The following SPIDR variants were observed in gnomAD, a reference collection of about 807,000 sequenced individuals.
The protein encoded by SPIDR is DNA repair-scaffolding protein.
A neutral mutation model predicts 104.6 loss-of-function variants in SPIDR; 93 were observed. The ratio of observed to expected loss-of-function variants is 0.89; its 90% CI spans 0.75 to 1.06. The LOEUF (loss-of-function observed/expected upper bound fraction) is 1.06, where lower values mean the gene tolerates loss of function less well. Ranked by LOEUF, SPIDR falls within the 50% of genes least tolerant of loss-of-function variation. SPIDR has a pLI of 0.00. For synonymous variants in SPIDR, 431 were observed against 416.9 expected (o/e 1.03, Z -0.41); for missense variants, 1,154 against 1,111.2 (o/e 1.04, Z -0.55).
chr8:47,615,728 G>A (rs573538743), intron 10 of SPIDR, among the ~76,000 whole-genome samples: 1 of 151,978 alleles, frequency 6.6e-6, no homozygotes, highest in Non-Finnish European at 1.5e-5. Flanking sequence ...AGGCTGGTGA[G>A]CCTTATCAAA....
At chr8:47,373,895 C>T (rs782618633) in intron 5 of SPIDR, among the ~76,000 whole-genome samples, 22 of 152,198 alleles carry the variant, frequency 1.4e-4, no homozygotes, top group Non-Finnish European at 2.8e-4. Context: ...GTGGTAAGTA[C>T]TTACCCCTGA....
chr8:47,619,221 ATGAATCTC>A (rs1201856225), intron 10 of SPIDR, among the ~76,000 whole-genome samples: 2 of 152,206 alleles, frequency 1.3e-5, no homozygotes, highest in African/African-American at 4.8e-5. Context: ...ATTCTACACA[ATGAATCTC>A]TGCATATGTC....
At chr8:47,261,768 C>T (rs1276855560) in intron 1 of SPIDR, among the ~76,000 whole-genome samples, 1 of 152,218 alleles carries the variant, frequency 6.6e-6, no homozygotes, top group Admixed American at 6.5e-5. Context: ...TGCTTTCTCG[C>T]TTCTCAAATA....
chr8:47,657,786 T>C (rs2073123181), intron 10 of SPIDR, among the ~76,000 whole-genome samples: 2 of 152,036 alleles, frequency 1.3e-5, no homozygotes, highest in African/African-American at 4.8e-5. Context: ...TCCCAGCACT[T>C]TGGGAAGCCA....
chr8:47,651,139 A>C (rs73569208), intron 10 of SPIDR, among the ~76,000 whole-genome samples: 2,477 of 152,260 alleles, frequency 0.016, 64 homozygotes, highest in African/African-American at 0.057. Flanking sequence ...CAACAGAAAT[A>C]ATCATCAAAC....
intron 8 of SPIDR, among the ~76,000 whole-genome samples, chr8:47,555,931 G>C (rs2091272461): frequency 6.6e-6 from 1 of 152,206 alleles, no homozygotes; most frequent in African/African-American, 2.4e-5. Flanking sequence ...CTGTCTGTCT[G>C]ACAGGGTTGT....
intron 5 of SPIDR, among the ~76,000 whole-genome samples, chr8:47,341,080 G>C (rs1181624092): frequency 6.6e-6 from 1 of 152,220 alleles, no homozygotes; most frequent in Non-Finnish European, 1.5e-5. Context: ...TCCTGAGACT[G>C]ACATATCAGA....
intron 8 of SPIDR, among the ~76,000 whole-genome samples, chr8:47,590,035 C>G (rs1252633945): frequency 6.6e-6 from 1 of 151,704 alleles, no homozygotes; most frequent in African/African-American, 2.4e-5. Flanking sequence ...TTAGCCGGGA[C>G]TGGTGGTGGG....
intron 8 of SPIDR, among the ~76,000 whole-genome samples, chr8:47,560,292 G>T (rs2154401035): frequency 6.6e-6 from 1 of 152,304 alleles, no homozygotes; most frequent in Non-Finnish European, 1.5e-5. Context: ...GTAGGCCAAG[G>T]GAAGACTTCT....
At chr8:47,726,377 CCTTT>C (rs1159274425) in intron 16 of SPIDR, among the ~76,000 whole-genome samples, 11 of 152,186 alleles carry the variant, frequency 7.2e-5, no homozygotes, top group South Asian at 2.1e-4. Context: ...GAAAGGAAGA[CCTTT>C]CTATTTTTCT....
chr8:47,331,085 A>G (rs2048587485), intron 5 of SPIDR, among the ~76,000 whole-genome samples: 1 of 152,066 alleles, frequency 6.6e-6, no homozygotes, highest in Non-Finnish European at 1.5e-5. Flanking sequence ...TTAAATTTGC[A>G]TTTCTCTGGT....
chr8:47,501,782 GTCATAGATAGCTC>G (rs2080492224), intron 8 of SPIDR, among the ~76,000 whole-genome samples: 1 of 152,120 alleles, frequency 6.6e-6, no homozygotes, highest in African/African-American at 2.4e-5. Flanking sequence ...CTGTGGGTTT[GTCATAGATAGCTC>G]TTATTATTTT....
chr8:47,635,703 G>C (rs1413454266), intron 10 of SPIDR, among the ~76,000 whole-genome samples: 4 of 151,800 alleles, frequency 2.6e-5, no homozygotes, highest in South Asian at 2.1e-4. Context: ...CTCCAGCTGG[G>C]GCAACATAGC....
At chr8:47,651,261 CAAGT>C (rs772634294) in intron 10 of SPIDR, among the ~76,000 whole-genome samples, 6 of 152,026 alleles carry the variant, frequency 3.9e-5, no homozygotes, top group Non-Finnish European at 7.4e-5. Flanking sequence ...AAGAGAAAGA[CAAGT>C]AATCCCATCA....
At position 47,390,415 on chromosome 8, in the gene SPIDR, T is replaced by C. The variant is rs539257325; in HGVS notation, c.526-5961T>C. ...AAAAAGTGGTATAGTCAGAATACTT[T>C]ATAGCAATGAAAATTAATGATCTAC... On this transcript the variant is annotated intron_variant, in intron 5 of 19. Coordinates refer to ENST00000297423, the MANE Select transcript of SPIDR (RefSeq NM_001080394.4). Among the ~76,000 whole-genome samples the C allele has an allele frequency of 7.9e-5, 12 of 152,206 alleles. No homozygotes were observed. The East Asian group carries it at 1.4e-3, about 17-fold the overall frequency.
intron 11 of SPIDR, among the ~76,000 whole-genome samples, chr8:47,692,743 C>T (rs773453121): frequency 2.6e-4 from 40 of 152,062 alleles, no homozygotes; most frequent in Non-Finnish European, 4.7e-4. Flanking sequence ...CCACCACACC[C>T]GGCCAGAATT....
intron 5 of SPIDR, among the ~76,000 whole-genome samples, chr8:47,295,589 C>T (rs967619442): frequency 1.3e-4 from 20 of 152,122 alleles, no homozygotes; most frequent in African/African-American, 4.3e-4. Flanking sequence ...TCTGAGTTAA[C>T]GTAATGTCCT....
intron 8 of SPIDR, among the ~76,000 whole-genome samples, chr8:47,463,656 T>C (rs1586138750): frequency 6.6e-6 from 1 of 152,238 alleles, no homozygotes; most frequent in East Asian, 1.9e-4. Flanking sequence ...AGCAGCAGAT[T>C]AAAAGAGTTA....
intron 8 of SPIDR, among the ~76,000 whole-genome samples, chr8:47,532,722 A>G (rs2086229153): frequency 6.6e-6 from 1 of 152,274 alleles, no homozygotes; most frequent in Non-Finnish European, 1.5e-5. Flanking sequence ...AGTAATTGAC[A>G]GATCCATCAG....
Sources: allele counts gnomAD v4.1 joint callset (sites outside exome capture counted in the v4.1 genomes callset), GRCh38; gene constraint gnomAD v4.1.1; transcripts MANE v1.5; gene names NCBI Gene and HGNC (gene_info 2026-07-23, HGNC 2026-07-21).